Variants in PRX observed in about 807,000 individuals in gnomAD.
PRX encodes the protein periaxin.
Under a neutral mutation model 29.6 loss-of-function variants are expected in PRX, and 24 were observed. The observed-to-expected ratio is 0.81, with a 90% CI of 0.59 to 1.14. The LOEUF is 1.14. PRX is among the 50% of genes most tolerant of loss of function. The probability of loss-of-function intolerance (pLI) is 0.00; values close to 1 mark genes in which losing one functional copy is unlikely to be tolerated. For synonymous variants in PRX, 772 were observed against 831.7 expected, an observed-to-expected ratio of 0.93 and a Z score of 1.24; for missense variants, 1,838 against 1,926.4, an observed-to-expected ratio of 0.95 and a Z score of 0.86.
chr19:40,407,123 T>C (rs910951341), intron 4 of PRX, among the ~76,000 whole-genome samples: 12 of 151,876 alleles, frequency 7.9e-5, no homozygotes, highest in African/African-American at 2.2e-4. Flanking sequence ...GGTGAGATCA[T>C]CTGCCCAGGG....
chr19:40,397,912 A>G lies in PRX; in HGVS notation c.440T>C (p.Val147Ala). 1 of 1,612,586 alleles carries G rather than the reference A, an allele frequency of 6.2e-7. No homozygotes were observed. Among genetic ancestry groups the G allele is most frequent in the Non-Finnish European group, 8.5e-7 (1 of 1,179,438 alleles). The change falls in exon 7 of 7, where the codon GTC (valine) becomes GCC (alanine). Residue 147 changes from valine to alanine, a missense_variant. Coordinates refer to ENST00000324001, the MANE Select transcript of PRX (RefSeq NM_181882.3). ...GTCAACAGGGGCCAGGTCAGCGGGG[A>G]CCCCCAGAGCCCCAGGCACCATCTT... ...KKKMVPGALG[V>A]PADLAPVDVE...
chr19:40,396,146 C>A lies in PRX; in HGVS notation c.2206G>T (p.Ala736Ser), dbSNP rs1162198983. 9 of 1,613,816 alleles carry A rather than the reference C, an allele frequency of 5.6e-6. No individual in the cohort carries two copies. Among genetic ancestry groups the A allele is most frequent in the Non-Finnish European group, 7.6e-6 (9 of 1,179,776 alleles). ...TCGGGGAGGTGCACATCGGGCACAG[C>A]CATCTCAGGCACCTTGGGGAGTTTT... ...EIKLPKVPEM[A>S]VPDVHLPEVQ... Residue 736 changes from alanine (A) to serine (S), a missense_variant, in exon 7 of 7, where the codon GCT becomes TCT. Physicochemically the swap from Ala to Ser is moderately conservative, Grantham distance 99. Around this residue, in one of 3 missense-constraint regions of PRX, gnomAD observed 1,143 missense variants for 1,193.0 expected, o/e 0.96. Coordinates refer to ENST00000324001, the MANE Select transcript of PRX (RefSeq NM_181882.3).
chr19:40,404,621 G>A (rs1167257737), intron 4 of PRX, among the ~76,000 whole-genome samples: 1 of 151,990 alleles, frequency 6.6e-6, no homozygotes, highest in Non-Finnish European at 1.5e-5. Flanking sequence ...CCAGGCTTGA[G>A]TGCAGTGGTG....
chr19:40,403,950 CAT>C, intron 4 of PRX, 88 bp from the exon 5 acceptor site: 2 of 1,405,616 alleles, frequency 1.4e-6, no homozygotes, highest in South Asian at 1.2e-5. Flanking sequence ...GGCTCATATA[CAT>C]ATATATGTTT....
chr19:40,394,564 T>G lies in PRX; in HGVS notation c.3788A>C (p.Glu1263Ala). ...GGTACGCTCGGCCCCTGGGGGCTGC[T>G]CCTCAGCACCCTCGCCCCCCACCCT... ...RARVGGEGAE[E>A]QPPGAERTFC... Residue 1263 changes from glutamate (E) to alanine (A), a missense_variant, in exon 7 of 7, where the codon GAG becomes GCG. Physicochemically the swap from Glu to Ala is moderately radical, Grantham distance 107. Around this residue, in one of 3 missense-constraint regions of PRX, gnomAD observed 1,143 missense variants for 1,193.0 expected, o/e 0.96. Coordinates refer to ENST00000324001, the MANE Select transcript of PRX (RefSeq NM_181882.3). This position sits in a 1 kb window ranked among gnomAD's most constrained non-coding sequence, Gnocchi z 5.8. 4 of 1,608,796 alleles carry G rather than the reference T, an allele frequency of 2.5e-6. No homozygotes were observed. The highest frequency in any genetic ancestry group is 3.4e-6 in the Non-Finnish European group (4 of 1,178,506).
Position 40,403,756 on chromosome 19 carries a change from C to T in PRX, c.134G>A (p.Arg45Gln), listed in dbSNP as rs751441856. 1.4e-5 allele frequency: 22 copies of T among 1,586,792 alleles called. No individual in the cohort carries two copies. The highest frequency in any genetic ancestry group is 1.7e-4 in the Middle Eastern group (1 of 5,868). The change falls in exon 5 of 7, where the codon CGG becomes CAG. Residue 45 changes from arginine to glutamine, a missense_variant. By Grantham distance (43) the Arg-to-Gln change is conservative (BLOSUM62 1). Coordinates refer to ENST00000324001, the MANE Select transcript of PRX (RefSeq NM_181882.3). ...AGGGKEGIFV[R>Q]ELREDSPAAR... ...GGCGGGTGAGTCCTCGCGCAGCTCC[C>T]GAACGAAGATTCCCTCTTTGCCGCC...
intron 4 of PRX, among the ~76,000 whole-genome samples, chr19:40,405,351 A>G (rs1402525629): frequency 6.6e-6 from 1 of 152,144 alleles, no homozygotes; most frequent in African/African-American, 2.4e-5. Flanking sequence ...ATAGGGTAAC[A>G]TAGGCATACT....
chr19:40,395,805 G>T lies in PRX; in HGVS notation c.2547C>A (p.Val849=). 6.2e-7 allele frequency: 1 copy of T among 1,614,166 alleles called. No homozygotes were observed. Among genetic ancestry groups the T allele is most frequent in the South Asian group, 1.1e-5 (1 of 91,090 alleles). ...PEVDGEAHVG[V]PSLTLPSVEL... is the part of the protein sequence containing the mutation. The stretch of plus-strand genomic sequence containing the variant: ...CCACTGAAGGCAGAGTGAGAGAGGG[G>T]ACACCCACATGAGCCTCACCATCCA... The change falls in exon 7 of 7, where the codon GTC becomes GTA. Residue 849 remains valine, a synonymous_variant. Coordinates refer to ENST00000324001, the MANE Select transcript of PRX (RefSeq NM_181882.3).
At position 40,395,544 on chromosome 19, in the gene PRX, A is replaced by G; in HGVS notation, c.2808T>C (p.Phe936=). ...TAGCCACCTTTGGCCCCGAGAGTCC[A>G]AACTTAGGTAAGGAGAACTTGGAAG... is the stretch of plus-strand genomic sequence containing the variant. ...KPSSKFSLPK[F]GLSGPKVAKA... The change falls in exon 7 of 7, where the codon TTT becomes TTC. Residue 936 remains phenylalanine, a synonymous_variant. Coordinates refer to ENST00000324001, the MANE Select transcript of PRX (RefSeq NM_181882.3). The G allele has an allele frequency of 6.2e-7, 1 of 1,614,170 alleles. No individual in the cohort carries two copies. Among genetic ancestry groups the G allele is most frequent in the Non-Finnish European group, 8.5e-7 (1 of 1,180,036 alleles).
chr19:40,394,353 C>A lies in PRX; in HGVS notation c.3999G>T (p.Leu1333=). ...GEKAKSPKLR[L]PRVGFSQSEM... ...CACTTTGGCTGAAGCCCACTCGGGGCAGCCTGAGTTTGGGGCTCTTGGCCT... is the reference window on the plus strand; with the variant it reads ...CACTTTGGCTGAAGCCCACTCGGGGAAGCCTGAGTTTGGGGCTCTTGGCCT... The change falls in exon 7 of 7, where the codon CTG becomes CTT. Residue 1333 remains leucine, a synonymous_variant. Coordinates refer to ENST00000324001, the MANE Select transcript of PRX (RefSeq NM_181882.3). This position sits in a 1 kb window ranked among gnomAD's most constrained non-coding sequence, Gnocchi z 5.8. 6.2e-7 allele frequency: 1 copy of A among 1,605,452 alleles called. No homozygotes were observed. The highest frequency in any genetic ancestry group is 8.5e-7 in the Non-Finnish European group (1 of 1,175,770).
In PRX at chr19:40,394,441, A is replaced by G; in HGVS notation, c.3911T>C (p.Leu1304Pro). 1 of 1,602,706 alleles carries G rather than the reference A, an allele frequency of 6.2e-7. No homozygotes were observed. The highest frequency in any genetic ancestry group is 8.5e-7 in the Non-Finnish European group (1 of 1,174,892). ...AEGEGEAGHKLKVRLPRFGLV... is the reference protein window; with the variant it reads ...AEGEGEAGHKPKVRLPRFGLV... The stretch of plus-strand genomic sequence containing the variant: ...GCCAAACCGGGGCAGCCGTACCTTG[A>G]GCTTGTGTCCGGCCTCTCCCTCCCC... Residue 1304 changes from leucine to proline, a missense_variant, in exon 7 of 7, where the codon CTC becomes CCC. Around this residue, in one of 3 missense-constraint regions of PRX, gnomAD observed 1,143 missense variants for 1,193.0 expected, o/e 0.96. Coordinates refer to ENST00000324001, the MANE Select transcript of PRX (RefSeq NM_181882.3). This position sits in a 1 kb window ranked among gnomAD's most constrained non-coding sequence, Gnocchi z 5.8.
At chr19:40,402,130 A>G (rs1265561498) in intron 5 of PRX, among the ~76,000 whole-genome samples, 1 of 152,002 alleles carries the variant, frequency 6.6e-6, no homozygotes, top group Non-Finnish European at 1.5e-5. Context: ...AGGAGGGCGG[A>G]TCACGAGGTC....
intron 1 of PRX, among the ~76,000 whole-genome samples, chr19:40,412,504 G>GGA (rs2079563077): frequency 6.6e-6 from 1 of 152,154 alleles, no homozygotes; most frequent in Admixed American, 6.5e-5. Flanking sequence ...ACAGCAACAG[G>GGA]GAGAGTATGG....
Position 40,395,551 on chromosome 19 carries a change from G to A in PRX, c.2801C>T (p.Pro934Leu), listed in dbSNP as rs1568704942. The change falls in exon 7 of 7, where the codon CCT becomes CTT. Residue 934 changes from proline to leucine, a missense_variant. Coordinates refer to ENST00000324001, the MANE Select transcript of PRX (RefSeq NM_181882.3). ...KVKPSSKFSL[P>L]KFGLSGPKVA... The stretch of plus-strand genomic sequence containing the variant: ...CTTTGGCCCCGAGAGTCCAAACTTA[G>A]GTAAGGAGAACTTGGAAGAGGGCTT... 1.9e-6 allele frequency: 3 copies of A among 1,614,054 alleles called. No individual in the cohort carries two copies. The highest frequency in any genetic ancestry group is 1.7e-5 in the Admixed American group (1 of 60,010).
chr19:40,414,403 CG>C (rs1033963219), upstream of PRX, among the ~76,000 whole-genome samples: 18 of 152,190 alleles, frequency 1.2e-4, no homozygotes, highest in African/African-American at 4.3e-4. Flanking sequence ...GGATTACAGG[CG>C]TGAGCCACCG....
rs1183076633 is a variant in PRX, at chr19:40,394,953, C to T, written c.3399G>A (p.Gln1133=). 6.2e-7 allele frequency: 1 copy of T among 1,609,036 alleles called. No homozygotes were observed. The highest frequency in any genetic ancestry group is 8.5e-7 in the Non-Finnish European group (1 of 1,179,236). The part of the protein sequence containing the change: ...LSGLKVSTAG[Q]VVTEGHDAGL... ...CCGCGTCATGGCCCTCAGTGACCAC[C>T]TGCCCGGCTGTGGACACCTTCAGGC... Residue 1133 remains glutamine, a synonymous_variant, in exon 7 of 7, where the codon CAG becomes CAA. Transcript: ENST00000324001. This position sits in a 1 kb window ranked among gnomAD's most constrained non-coding sequence, Gnocchi z 5.8.
In PRX at chr19:40,397,208, G is replaced by A. The variant is rs759440986; in HGVS notation, c.1144C>T (p.Pro382Ser). ...CTGGGACCTTTCACCCTGGCCTCAG[G>A]GCTGACCTTGGCTACCTTGGCCTCA... is the stretch of plus-strand genomic sequence containing the variant. ...VAEAKVAKVS[P>S]EARVKGPRLR... is the part of the protein sequence containing the mutation. The change falls in exon 7 of 7, where the codon CCT becomes TCT. Residue 382 changes from proline to serine, a missense_variant. Physicochemically the swap from Pro to Ser is moderately conservative, Grantham distance 74. Coordinates refer to ENST00000324001, the MANE Select transcript of PRX (RefSeq NM_181882.3). 1 of 1,613,888 alleles carries A rather than the reference G, an allele frequency of 6.2e-7. No individual in the cohort carries two copies. Among genetic ancestry groups the A allele is most frequent in the South Asian group, 1.1e-5 (1 of 91,094 alleles).
At chr19:40,406,935 G>A (rs999761128) in intron 4 of PRX, among the ~76,000 whole-genome samples, 5 of 151,762 alleles carry the variant, frequency 3.3e-5, no homozygotes, top group Admixed American at 6.6e-5. Context: ...CATCATGCCC[G>A]GCTAATTTTT....
chr19:40,395,126 C>T lies in PRX; in HGVS notation c.3226G>A (p.Val1076Ile). The T allele has an allele frequency of 6.2e-7, 1 of 1,614,138 alleles. No individual in the cohort carries two copies. Among genetic ancestry groups the T allele is most frequent in the Non-Finnish European group, 8.5e-7 (1 of 1,180,036 alleles). ...FGLARGKEAE[V>I]QGDRASPGEK... ...CCCGGGCTGGCACGATCACCTTGAA[C>T]TTCTGCTTCCTTCCCTCGAGCCAGC... is the stretch of plus-strand genomic sequence containing the variant. The change falls in exon 7 of 7, where the codon GTT becomes ATT. Residue 1076 changes from valine (V) to isoleucine (I), a missense_variant. Physicochemically the swap from Val to Ile is conservative, Grantham distance 29 (BLOSUM62 3). Coordinates refer to ENST00000324001, the MANE Select transcript of PRX (RefSeq NM_181882.3).
Sources: allele counts gnomAD v4.1 joint callset (sites outside exome capture counted in the v4.1 genomes callset), GRCh38; gene constraint gnomAD v4.1.1; regional missense constraint gnomAD v4.1.1; non-coding constraint Gnocchi (gnomAD v3.1); transcripts MANE v1.5; gene names NCBI Gene and HGNC (gene_info 2026-07-23, HGNC 2026-07-21).